IL1RAPL1: variants seen among roughly 807,000 people sequenced by gnomAD.
The protein encoded by IL1RAPL1 is interleukin-1 receptor accessory protein-like 1.
A neutral mutation model predicts 48.4 loss-of-function variants in IL1RAPL1; 3 were observed. That is an observed-to-expected ratio of 0.06 (90% CI 0.03 to 0.16). IL1RAPL1 has a LOEUF of 0.16. Ranked by LOEUF, IL1RAPL1 falls within the 10% of genes least tolerant of loss-of-function variation. The pLI is 1.00. For synonymous variants in IL1RAPL1, 185 were observed against 187.7 expected, an observed-to-expected ratio of 0.99 and a Z score of 0.12; for missense variants, 349 against 530.6, an observed-to-expected ratio of 0.66 and a Z score of 3.36.
At chrX:29,255,781 A>G (rs985441348) in intron 2 of IL1RAPL1, among the ~76,000 whole-genome samples, 1 of 111,199 alleles carries the variant, frequency 9.0e-6, no homozygotes, top group Non-Finnish European at 1.9e-5. Flanking sequence ...GCTGCAAAGG[A>G]CATGATTTTG....
intron 3 of IL1RAPL1, among the ~76,000 whole-genome samples, chrX:29,362,664 A>G (rs769889269): frequency 1.8e-5 from 2 of 111,958 alleles, no homozygotes; most frequent in African/African-American, 6.5e-5. Context: ...AGAAACCACC[A>G]TTTGTTTGCT....
intron 8 of IL1RAPL1, among the ~76,000 whole-genome samples, chrX:29,935,250 T>C (rs1319377293): frequency 9.0e-6 from 1 of 111,171 alleles, no homozygotes; most frequent in Non-Finnish European, 1.9e-5. Context: ...TGTCCATTTT[T>C]CCCCAGTGAG....
At chrX:29,287,509 C>A (rs894353085) in intron 3 of IL1RAPL1, among the ~76,000 whole-genome samples, 2 of 112,335 alleles carry the variant, frequency 1.8e-5, no homozygotes, top group Admixed American at 9.4e-5. Flanking sequence ...AACTATTTTT[C>A]AAAGTAGCTA....
intron 5 of IL1RAPL1, among the ~76,000 whole-genome samples, chrX:29,649,447 A>C (rs1290205888): frequency 8.9e-6 from 1 of 112,225 alleles, no homozygotes; most frequent in East Asian, 2.8e-4. Context: ...TCGCATACAC[A>C]AATCAATAAA....
intron 5 of IL1RAPL1, among the ~76,000 whole-genome samples, chrX:29,657,034 A>G (rs113859275): frequency 0.099 from 10,980 of 110,588 alleles, 444 homozygotes; most frequent in Middle Eastern, 0.21. Flanking sequence ...CAAGGTTTCT[A>G]AACCCTTCAT....
chrX:28,942,637 A>T (rs1181854245), intron 2 of IL1RAPL1: 4 of 103,885 alleles, frequency 3.9e-5, no homozygotes, highest in African/African-American at 1.4e-4. Flanking sequence ...TAGGAATATA[A>T]GACATCTAAT....
chrX:29,639,059 G>T (rs191183439), intron 5 of IL1RAPL1, among the ~76,000 whole-genome samples: 2,723 of 109,708 alleles, frequency 0.025, 90 homozygotes, highest in African/African-American at 0.087. Context: ...GGTGGTGGGC[G>T]CCTGTAGTCC....
chrX:28,970,020 G>GTTTCTAAACAC (rs1925030934), intron 2 of IL1RAPL1, among the ~76,000 whole-genome samples: 1 of 99,811 alleles, frequency 1.0e-5, no homozygotes, highest in Admixed American at 1.1e-4. Context: ...TATATATAAA[G>GTTTCTAAACAC]ATAAAGTTTT....
chrX:29,594,976 A>G (rs772582220), intron 5 of IL1RAPL1, among the ~76,000 whole-genome samples: 4 of 111,969 alleles, frequency 3.6e-5, no homozygotes, highest in Non-Finnish European at 5.6e-5. Flanking sequence ...GAGTGCAAAC[A>G]TGCGATGTTT....
At chrX:29,898,923 C>A (rs1475804609) in intron 6 of IL1RAPL1, among the ~76,000 whole-genome samples, 1 of 111,983 alleles carries the variant, frequency 8.9e-6, no homozygotes, top group Non-Finnish European at 1.9e-5. Context: ...AAGCTATTCT[C>A]AAGTGATAAC....
Position 28,926,474 on chromosome X carries a change from G to C in IL1RAPL1, c.82+137049G>C, listed in dbSNP as rs186700558. On this transcript the variant is annotated intron_variant, in intron 2 of 10. Transcript: ENST00000378993. ...ATTGATATGGCACTGTACATTCCTT[G>C]TCATTAAAAAAGTGGTCAGCACAAG... is the stretch of plus-strand genomic sequence containing the variant. Among the ~76,000 whole-genome samples, 108 of 109,209 alleles carry C rather than the reference G, an allele frequency of 9.9e-4. 3 individuals carry two copies. The East Asian group carries it at 0.03, about 30-fold the overall frequency. 94.8% of individuals were successfully genotyped at this position (109,209 alleles called of 115,157 possible).
At position 29,653,283 on chromosome X, in the gene IL1RAPL1, T is replaced by C. The variant is rs150650786; in HGVS notation, c.704-15147T>C. On this transcript the variant is annotated intron_variant, in intron 5 of 10. Transcript: ENST00000378993. ...AACATAATGAAACCCTATGTACTTATCACCAAGCTTTAGTAATTTCTAACA... is the reference window on the plus strand; with the variant it reads ...AACATAATGAAACCCTATGTACTTACCACCAAGCTTTAGTAATTTCTAACA... Among the ~76,000 whole-genome samples, 351 of 112,288 alleles carry C rather than the reference T, an allele frequency of 3.1e-3. 3 individuals carry two copies. Among genetic ancestry groups the C allele is most frequent in the African/African-American group, 0.011 (336 of 30,994 alleles).
chrX:28,732,016 T>C (rs1039673182), intron 1 of IL1RAPL1, among the ~76,000 whole-genome samples: 4 of 110,846 alleles, frequency 3.6e-5, no homozygotes, highest in African/African-American at 1.3e-4. Flanking sequence ...CATAAGGAGC[T>C]GGAGTCTGAG....
In IL1RAPL1 at chrX:29,871,913, G is replaced by A. The variant is rs1419448891; in HGVS notation, c.779-45551G>A. On this transcript the variant is annotated intron_variant, in intron 6 of 10. Transcript: ENST00000378993. The stretch of plus-strand genomic sequence containing the variant: ...TAATTTTCATATTTTTAGTAGAGAT[G>A]TGGTTTCGCCATGTTGGCCAGGCTG... Among the ~76,000 whole-genome samples, 14 of 110,703 alleles carry A rather than the reference G, an allele frequency of 1.3e-4. No homozygotes were observed. In the Admixed American group the frequency reaches 1.3e-3, roughly 11 times the overall value.
chrX:29,732,699 C>G (rs1310818654), intron 6 of IL1RAPL1, among the ~76,000 whole-genome samples: 2 of 112,017 alleles, frequency 1.8e-5, no homozygotes, highest in Non-Finnish European at 3.8e-5. Flanking sequence ...TTTTCTGATG[C>G]ATCTTCTTTA....
chrX:29,443,366 A>G (rs767460739), intron 5 of IL1RAPL1, among the ~76,000 whole-genome samples: 4 of 109,990 alleles, frequency 3.6e-5, no homozygotes, highest in African/African-American at 9.9e-5. Flanking sequence ...TCTCTATATA[A>G]CTCTTTTACA....
rs183236622 is a variant in IL1RAPL1 at position 28,926,782 on chromosome X, G to A, written c.82+137357G>A. Among the ~76,000 whole-genome samples the A allele has an allele frequency of 3.6e-5, 4 of 111,181 alleles. No individual in the cohort carries two copies. In the Admixed American group the frequency reaches 3.8e-4, roughly 11 times the overall value. ...CTCTTCAAACCTCCCTCTCACAACAGTTATGTCTTCTTTTTACTTCATTGA... is the reference window on the plus strand; with the variant it reads ...CTCTTCAAACCTCCCTCTCACAACAATTATGTCTTCTTTTTACTTCATTGA... On this transcript the variant is annotated intron_variant, in intron 2 of 10. Coordinates refer to ENST00000378993, the MANE Select transcript of IL1RAPL1 (RefSeq NM_014271.4).
chrX:29,349,529 T>G, intron 3 of IL1RAPL1, among the ~76,000 whole-genome samples: 1 of 111,730 alleles, frequency 9.0e-6, no homozygotes, highest in East Asian at 2.8e-4. Flanking sequence ...AGAAAAACTT[T>G]TGCTTCTGAA....
intron 6 of IL1RAPL1, among the ~76,000 whole-genome samples, chrX:29,747,948 A>G (rs4829288): frequency 0.3 from 33,126 of 110,726 alleles, 3,939 homozygotes; most frequent in Admixed American, 0.45. Flanking sequence ...TCTTAAAGAG[A>G]CTTCATGGAT....
Sources: gnomAD v4.1 joint callset for allele counts (sites outside exome capture counted in the v4.1 genomes callset) on GRCh38, gnomAD v4.1.1 for gene constraint, MANE v1.5 for transcripts, NCBI Gene and HGNC (gene_info 2026-07-23, HGNC 2026-07-21) for gene names.